The following ATRNL1 variants were observed in gnomAD, a reference collection of about 807,000 sequenced individuals.
The protein encoded by ATRNL1 is attractin-like protein 1.
Under a neutral mutation model 182.7 loss-of-function variants are expected in ATRNL1, and 95 were observed. The observed-to-expected ratio is 0.52, with a 90% confidence interval of 0.44 to 0.62. ATRNL1 has a LOEUF of 0.62. Ranked by LOEUF, ATRNL1 falls within the 20% of genes least tolerant of loss-of-function variation. ATRNL1 has a pLI of 0.00. For missense variants in ATRNL1, 1,471 were observed against 1,679.5 expected, an observed-to-expected ratio of 0.88 and a Z score of 2.17; for synonymous variants, 576 against 568.3, an observed-to-expected ratio of 1.01 and a Z score of -0.19.
intron 19 of ATRNL1, among the ~76,000 whole-genome samples, chr10:115,351,014 T>C (rs192050033): frequency 1.9e-3 from 282 of 152,304 alleles, no homozygotes; most frequent in African/African-American, 6.4e-3. Context: ...TTTGTAGCTA[T>C]TTTAAATGGG....
chr10:115,655,295 T>C (rs1555035512), intron 26 of ATRNL1, among the ~76,000 whole-genome samples: 1 of 152,188 alleles, frequency 6.6e-6, no homozygotes, highest in African/African-American at 2.4e-5. Flanking sequence ...AAATTTAACA[T>C]AGTTTAGTCT....
At chr10:115,217,382 C>T (rs1554896503) in intron 9 of ATRNL1, among the ~76,000 whole-genome samples, 1 of 152,068 alleles carries the variant, frequency 6.6e-6, no homozygotes, top group African/African-American at 2.4e-5. Context: ...GCAACTGTGC[C>T]TGGCCCTAAA....
chr10:115,381,737 T>C (rs1377971425), intron 19 of ATRNL1, among the ~76,000 whole-genome samples: 1 of 152,106 alleles, frequency 6.6e-6, no homozygotes, highest in Non-Finnish European at 1.5e-5. Context: ...TATATTTTTG[T>C]TTTTTGTGTG....
chr10:115,837,509 C>T (rs185435413), intron 27 of ATRNL1, among the ~76,000 whole-genome samples: 2,306 of 129,760 alleles, frequency 0.018, 74 homozygotes, highest in African/African-American at 0.08. Flanking sequence ...CACACACACA[C>T]ACACACACAC....
chr10:115,587,095 G>T (rs1855564436), intron 26 of ATRNL1, among the ~76,000 whole-genome samples: 1 of 149,232 alleles, frequency 6.7e-6, no homozygotes, highest in Non-Finnish European at 1.5e-5. Context: ...TTCACTTGAG[G>T]AGGCAGTCTG....
At chr10:115,856,355 C>G (rs2907583) in intron 28 of ATRNL1, among the ~76,000 whole-genome samples, 118,846 of 148,128 alleles carry the variant, frequency 0.8, 47,378 homozygotes, top group Admixed American at 0.85. Context: ...TTGAACCCAG[C>G]AGGCAGAGGT....
intron 11 of ATRNL1, 116 bp downstream of exon 11, chr10:115,265,393 G>A: frequency 1.7e-6 from 1 of 596,952 alleles, no homozygotes; most frequent in Non-Finnish European, 2.9e-6. Context: ...TGGATTTTAT[G>A]CATCTCTTCT....
intron 26 of ATRNL1, among the ~76,000 whole-genome samples, chr10:115,632,596 C>G (rs781939948): frequency 6.6e-6 from 1 of 152,038 alleles, no homozygotes; most frequent in Non-Finnish European, 1.5e-5. Flanking sequence ...TGACAAGCAA[C>G]CTAATTTTAC....
At chr10:115,724,308 C>G (rs1329498408) in intron 26 of ATRNL1, among the ~76,000 whole-genome samples, 1 of 152,060 alleles carries the variant, frequency 6.6e-6, no homozygotes, top group Non-Finnish European at 1.5e-5. Flanking sequence ...CCAACTGTCT[C>G]ATAAATTTGC....
intron 24 of ATRNL1, among the ~76,000 whole-genome samples, chr10:115,490,092 C>T (rs1849222921): frequency 6.6e-6 from 1 of 152,144 alleles, no homozygotes; most frequent in Non-Finnish European, 1.5e-5. Flanking sequence ...CCAACATATC[C>T]ACTGTTAGTC....
chr10:115,505,772 TAC>T (rs1355193380), intron 24 of ATRNL1, among the ~76,000 whole-genome samples: 1 of 151,708 alleles, frequency 6.6e-6, no homozygotes, highest in Non-Finnish European at 1.5e-5. Context: ...CAGGCACACA[TAC>T]ACACACACAC....
At chr10:115,671,775 T>G (rs1945704146) in intron 26 of ATRNL1, among the ~76,000 whole-genome samples, 1 of 152,152 alleles carries the variant, frequency 6.6e-6, no homozygotes, top group South Asian at 2.1e-4. Flanking sequence ...AGTTTGTTTG[T>G]AAGTAATGTA....
intron 26 of ATRNL1, among the ~76,000 whole-genome samples, chr10:115,655,241 A>G (rs1301170109): frequency 6.6e-6 from 1 of 152,202 alleles, no homozygotes; most frequent in East Asian, 1.9e-4. Context: ...TGGTTAAGCC[A>G]TTGATAACCG....
At position 115,542,153 on chromosome 10, in the gene ATRNL1, G is replaced by A. The variant is rs74158364; in HGVS notation, c.3717-7305G>A. ...GGAAGATTTTCCTTATTAGATATTA[G>A]TCTTTCTAATATGCCATCAGATGAG... On this transcript the variant is annotated intron_variant, in intron 25 of 28. Coordinates refer to ENST00000355044, the MANE Select transcript of ATRNL1 (RefSeq NM_207303.4). Among the ~76,000 whole-genome samples the A allele has an allele frequency of 3.9e-3, 595 of 152,088 alleles. 1 individual carries two copies. Among genetic ancestry groups the A allele is most frequent in the African/African-American group, 0.014 (572 of 41,508 alleles).
In ATRNL1 at chr10:115,094,126, C is replaced by T. The variant is rs1003655037; in HGVS notation, c.293+83C>T. 9 of 1,235,682 alleles carry T rather than the reference C, an allele frequency of 7.3e-6. 1 individual carries two copies. The Admixed American group carries it at 1.2e-4, about 17-fold the overall frequency. The allele number at this position is 1,235,682 out of a possible 1,614,324, so 76.5% of individuals were successfully genotyped here. A position where few individuals can be genotyped will look rare whatever the true frequency, so the allele number is the denominator to read the frequency against. ...TCCCCGCCCCCCTCGCGGCCTCCCC[C>T]GCCCCCGTCGCTGCCTCTGATCCCC... is the stretch of plus-strand genomic sequence containing the variant. On this transcript the variant is annotated intron_variant, in intron 1 of 28. Coordinates refer to ENST00000355044, the MANE Select transcript of ATRNL1 (RefSeq NM_207303.4).
chr10:115,381,446 T>TTTTTTTTTTTTTTTTTTTTTTTTTTC, intron 19 of ATRNL1, among the ~76,000 whole-genome samples: 1 of 143,196 alleles, frequency 7.0e-6, no homozygotes, highest in African/African-American at 2.6e-5. Flanking sequence ...TTTTTTTTTT[T>TTTTTTTTTTTTTTTTTTTTTTTTTTC]TTTAGTAGAC....
chr10:115,313,137 A>G (rs868941951), intron 17 of ATRNL1, among the ~76,000 whole-genome samples: 1 of 151,752 alleles, frequency 6.6e-6, no homozygotes, highest in Middle Eastern at 3.4e-3. Flanking sequence ...CATTTCAAGG[A>G]TTTCATCTTG....
chr10:115,469,100 A>T (rs1684996005), intron 23 of ATRNL1, 72 bp from the exon 24 acceptor site: 1 of 535,062 alleles, frequency 1.9e-6, no homozygotes. Context: ...AATTATAAAA[A>T]ACTATAATAT....
At chr10:115,210,455 A>C (rs1848977774) in intron 8 of ATRNL1, among the ~76,000 whole-genome samples, 4 of 151,878 alleles carry the variant, frequency 2.6e-5, no homozygotes. Flanking sequence ...GATCCTTCTC[A>C]TTGCCCCTTT....
Sources: allele counts gnomAD v4.1 joint callset (sites outside exome capture counted in the v4.1 genomes callset), GRCh38; gene constraint gnomAD v4.1.1; transcripts MANE v1.5; gene names NCBI Gene and HGNC (gene_info 2026-07-23, HGNC 2026-07-21).